The following MIA2 variants were observed in gnomAD, a reference collection of about 807,000 sequenced individuals.
MIA2 encodes the protein MIA SH3 domain ER export factor 2, also known as melanoma inhibitory activity protein 2.
In MIA2, 127 loss-of-function variants were observed where a neutral mutation model predicts 167.8. That is an observed-to-expected ratio of 0.76 (90% CI 0.66 to 0.88). MIA2 has a LOEUF of 0.88. Among genes scored for constraint, MIA2 ranks in the 40% least tolerant of loss-of-function variants. The pLI is 0.00. For synonymous variants in MIA2, 552 were observed against 541.9 expected, an observed-to-expected ratio of 1.02 and a Z score of -0.26; for missense variants, 1,690 against 1,624.7, an observed-to-expected ratio of 1.04 and a Z score of -0.69.
chr14:39,340,145 G>A lies in MIA2; in HGVS notation c.3656-5759G>A, dbSNP rs143019356. On this transcript the variant is annotated intron_variant, in intron 25 of 28. Transcript: ENST00000640607. ...GACGTGAGCCACCACGCCCTCCTTCGTACCCTTTTGAGCTTTAGTATTCCT... is the reference window on the plus strand; with the variant it reads ...GACGTGAGCCACCACGCCCTCCTTCATACCCTTTTGAGCTTTAGTATTCCT... Among the ~76,000 whole-genome samples, 201 of 152,130 alleles carry A rather than the reference G, an allele frequency of 1.3e-3. 1 individual carries two copies. Among genetic ancestry groups the A allele is most frequent in the African/African-American group, 4.6e-3 (191 of 41,510 alleles).
intron 3 of MIA2, among the ~76,000 whole-genome samples, chr14:39,244,822 G>C (rs897517847): frequency 6.6e-6 from 1 of 151,668 alleles, no homozygotes. Flanking sequence ...CTGTCACCAA[G>C]GCTGGAGTGC....
chr14:39,322,731 A>G (rs1184322605), intron 24 of MIA2, among the ~76,000 whole-genome samples: 1 of 152,050 alleles, frequency 6.6e-6, no homozygotes, highest in East Asian at 1.9e-4. Context: ...TTGATCTCTC[A>G]CCATACTTTC....
rs745417023 is a variant in MIA2 at position 39,276,998 on chromosome 14, T to G, written c.1952T>G (p.Leu651Trp). Residue 651 changes from leucine to tryptophan, a missense_variant, in exon 7 of 29, where the codon TTG becomes TGG. Coordinates refer to ENST00000640607, the MANE Select transcript of MIA2 (RefSeq NM_001329214.4). Reference sequence around the variant, plus strand: ...AATCTTTATGGTTTTCCATGGGAATTGGTGATATGTGCAGCTGTTGTTGGA... The same window carrying G: ...AATCTTTATGGTTTTCCATGGGAATGGGTGATATGTGCAGCTGTTGTTGGA... Reference protein sequence around the residue: ...DSNLYGFPWELVICAAVVGFF... With the variant: ...DSNLYGFPWEWVICAAVVGFF... 1.7e-5 allele frequency: 27 copies of G among 1,613,976 alleles called. No homozygotes were observed. The highest frequency in any genetic ancestry group is 1.2e-4 in the South Asian group (11 of 91,072).
intron 26 of MIA2, 25 bp downstream of exon 26, chr14:39,346,051 T>C: frequency 6.2e-7 from 1 of 1,600,280 alleles, no homozygotes; most frequent in South Asian, 1.1e-5. Context: ...GTGCTTTTCT[T>C]CTTTAAAAAT....
chr14:39,267,261 C>T lies in MIA2; in HGVS notation c.1888-9673C>T. On this transcript the variant is annotated intron_variant, in intron 6 of 28. Coordinates refer to ENST00000640607, the MANE Select transcript of MIA2 (RefSeq NM_001329214.4). Reference sequence around the variant, plus strand: ...GGGATGTAAAGTATAACAAGAGGGTCGGGATGGGCAGCGTAGGCCTGTGAG... The same window carrying T: ...GGGATGTAAAGTATAACAAGAGGGTTGGGATGGGCAGCGTAGGCCTGTGAG... 5 of 1,419,542 alleles carry T rather than the reference C, an allele frequency of 3.5e-6. No homozygotes were observed. The South Asian group carries it at 6.1e-5, about 17-fold the overall frequency. The allele number at this position is 1,419,542 out of a possible 1,614,324, so 87.9% of individuals were successfully genotyped here. A position where few individuals can be genotyped will look rare whatever the true frequency, so the allele number is the denominator to read the frequency against.
At chr14:39,378,074 CTG>C (rs1180648989) in intron 23 of MIA2, among the ~76,000 whole-genome samples, 4 of 152,140 alleles carry the variant, frequency 2.6e-5, no homozygotes, top group African/African-American at 4.8e-5. Flanking sequence ...ATGCAAATAA[CTG>C]TATTTTCATA....
At chr14:39,238,181 T>G (rs891875010) in intron 2 of MIA2, among the ~76,000 whole-genome samples, 2 of 151,766 alleles carry the variant, frequency 1.3e-5, no homozygotes, top group African/African-American at 4.8e-5. Context: ...GTACAAGTTT[T>G]TTTTTTTTAT....
intron 23 of MIA2, among the ~76,000 whole-genome samples, chr14:39,371,069 A>G (rs1264440809): frequency 6.6e-6 from 1 of 151,922 alleles, no homozygotes; most frequent in Non-Finnish European, 1.5e-5. Flanking sequence ...AATCATTTTT[A>G]TGTTACGTAG....
intron 23 of MIA2, chr14:39,386,380 G>A (rs1341514266): frequency 6.5e-7 from 1 of 1,548,548 alleles, no homozygotes; most frequent in Non-Finnish European, 8.9e-7. Context: ...TCTCTTTTGA[G>A]CAAACGCTTA....
At chr14:39,246,888 A>C in intron 3 of MIA2, 23 bp from the exon 4 acceptor site, 1 of 1,298,838 alleles carries the variant, frequency 7.7e-7, no homozygotes, top group South Asian at 1.5e-5. Flanking sequence ...CATGTTAATC[A>C]TATATATATT....
chr14:39,354,955 T>A (rs2074482551), downstream of MIA2, among the ~76,000 whole-genome samples: 1 of 152,032 alleles, frequency 6.6e-6, no homozygotes. Context: ...GCTGTTTTGG[T>A]TACTGTAGCC....
At chr14:39,318,409 A>G (rs941365629) in intron 22 of MIA2, among the ~76,000 whole-genome samples, 9 of 152,142 alleles carry the variant, frequency 5.9e-5, no homozygotes, top group South Asian at 2.1e-4. Context: ...GTTTTGTAGT[A>G]TTGGGTGACA....
intron 23 of MIA2, among the ~76,000 whole-genome samples, chr14:39,380,810 T>C (rs2075142821): frequency 6.6e-6 from 1 of 152,004 alleles, no homozygotes; most frequent in Non-Finnish European, 1.5e-5. Context: ...ATTTAGTCTC[T>C]ATCTAGATTT....
intron 9 of MIA2, among the ~76,000 whole-genome samples, chr14:39,283,305 T>A (rs1278027568): frequency 1.3e-5 from 2 of 152,094 alleles, no homozygotes; most frequent in Non-Finnish European, 2.9e-5. Context: ...TCTTTAGGAG[T>A]CTCCATACTA....
At chr14:39,313,907 C>T (rs954645138) in intron 19 of MIA2, among the ~76,000 whole-genome samples, 8 of 151,862 alleles carry the variant, frequency 5.3e-5, no homozygotes, top group African/African-American at 1.9e-4. Context: ...TACTAGATCC[C>T]AGGAAATAGA....
chr14:39,324,899 G>C (rs1021810133), intron 24 of MIA2, among the ~76,000 whole-genome samples: 2 of 152,060 alleles, frequency 1.3e-5, no homozygotes, highest in East Asian at 3.8e-4. Context: ...GAGCCATCAC[G>C]CCTGGCTATT....
chr14:39,324,748 A>G (rs1797046766), intron 24 of MIA2, among the ~76,000 whole-genome samples: 1 of 152,078 alleles, frequency 6.6e-6, no homozygotes, highest in Non-Finnish European at 1.5e-5. Flanking sequence ...CTGGGATTAC[A>G]GGCACGTGCC....
At chr14:39,266,347 G>C in intron 6 of MIA2, 1 of 985,186 alleles carries the variant, frequency 1.0e-6, no homozygotes, top group Non-Finnish European at 1.2e-6. Context: ...TTTATTCGAC[G>C]GTCCTAAAAA....
At chr14:39,249,380 G>A (rs1266527008) in intron 4 of MIA2, among the ~76,000 whole-genome samples, 2 of 151,864 alleles carry the variant, frequency 1.3e-5, no homozygotes, top group African/African-American at 4.8e-5. Flanking sequence ...AGGCTCAAGG[G>A]ATCCTCCCAC....
Sources: allele counts gnomAD v4.1 joint callset (sites outside exome capture counted in the v4.1 genomes callset), GRCh38; gene constraint gnomAD v4.1.1; transcripts MANE v1.5; gene names NCBI Gene and HGNC (gene_info 2026-07-23, HGNC 2026-07-21).